TMTC2: variants seen among roughly 807,000 people sequenced by gnomAD.
TMTC2 encodes protein O-mannosyl-transferase TMTC2.
Under a neutral mutation model 82.4 loss-of-function variants are expected in TMTC2, and 43 were observed. The ratio of observed to expected loss-of-function variants is 0.52; its 90% confidence interval spans 0.41 to 0.67. The LOEUF (loss-of-function observed/expected upper bound fraction) is 0.67. Among genes scored for constraint, TMTC2 ranks in the 30% least tolerant of loss-of-function variants. The pLI is 0.00. For synonymous variants in TMTC2, 408 were observed against 381.9 expected, an observed-to-expected ratio of 1.07 and a Z score of -0.80; for missense variants, 919 against 1,012.4, an observed-to-expected ratio of 0.91 and a Z score of 1.25.
chr12:83,004,438 A>T (rs1443067164), intron 8 of TMTC2, among the ~76,000 whole-genome samples: 1 of 152,184 alleles, frequency 6.6e-6, no homozygotes, highest in African/African-American at 2.4e-5. Context: ...GATCATTTGG[A>T]GGTAAGGAGA....
At chr12:82,938,587 T>C (rs1350749246) in intron 4 of TMTC2, among the ~76,000 whole-genome samples, 1 of 152,098 alleles carries the variant, frequency 6.6e-6, no homozygotes, top group Admixed American at 6.5e-5. Context: ...GACTGAGAGA[T>C]TTTGTTATAA....
At chr12:82,991,571 C>A (rs905780505) in intron 8 of TMTC2, among the ~76,000 whole-genome samples, 5 of 152,102 alleles carry the variant, frequency 3.3e-5, no homozygotes, top group African/African-American at 1.2e-4. Context: ...TTGTAGCCTC[C>A]ATGTTTAAAT....
rs111236067 is a variant in TMTC2 at position 82,985,909 on chromosome 12, T to C, written c.1949-16T>C. The stretch of plus-strand genomic sequence containing the variant: ...TGTATCCTCCCTTTGACCTTCATGA[T>C]TAATTCTCTTTCCAGGTGAAGCATA... On this transcript the variant is annotated splice_polypyrimidine_tract_variant and intron_variant, in intron 7 of 11. Transcript: ENST00000321196. 1.2e-6 allele frequency: 2 copies of C among 1,611,162 alleles called. No individual in the cohort carries two copies. Among genetic ancestry groups the C allele is most frequent in the African/African-American group, 2.7e-5 (2 of 74,954 alleles).
At chr12:83,078,274 G>A (rs536866314) in intron 11 of TMTC2, among the ~76,000 whole-genome samples, 1 of 152,204 alleles carries the variant, frequency 6.6e-6, no homozygotes, top group Admixed American at 6.5e-5. Context: ...CTTAGAGGAG[G>A]CTGTCTAAAG....
At chr12:83,099,732 T>C (rs1011040252) in intron 11 of TMTC2, among the ~76,000 whole-genome samples, 4 of 152,134 alleles carry the variant, frequency 2.6e-5, no homozygotes. Context: ...CCCTTTTTTT[T>C]TTAACGTTGC....
chr12:82,818,677 A>G (rs534457911), intron 1 of TMTC2, among the ~76,000 whole-genome samples: 1 of 152,254 alleles, frequency 6.6e-6, no homozygotes, highest in Non-Finnish European at 1.5e-5. Flanking sequence ...TGCTTAATGA[A>G]TACTCAACTA....
chr12:83,042,595 A>G (rs1881936004), intron 9 of TMTC2, among the ~76,000 whole-genome samples: 1 of 151,940 alleles, frequency 6.6e-6, no homozygotes, highest in Admixed American at 6.6e-5. Flanking sequence ...TCTCTCCCTT[A>G]TAGCTTCTCG....
At chr12:83,028,433 T>A (rs1212399182) in intron 8 of TMTC2, among the ~76,000 whole-genome samples, 1 of 152,208 alleles carries the variant, frequency 6.6e-6, no homozygotes, top group African/African-American at 2.4e-5. Context: ...ATACACAGTT[T>A]CCCCTATTAT....
intron 1 of TMTC2, among the ~76,000 whole-genome samples, chr12:82,700,307 A>C (rs1046795574): frequency 6.6e-6 from 1 of 152,242 alleles, no homozygotes; most frequent in Non-Finnish European, 1.5e-5. Context: ...TGTCTAGGAT[A>C]CTTACTAAAT....
intron 1 of TMTC2, among the ~76,000 whole-genome samples, chr12:82,731,419 T>C (rs1343104284): frequency 2.6e-5 from 4 of 152,194 alleles, no homozygotes; most frequent in Non-Finnish European, 5.9e-5. Flanking sequence ...AGTACAGTAA[T>C]ATGTTCAGTA....
rs957533556 is a variant in TMTC2 at position 82,698,283 on chromosome 12, A to C, written c.83+10614A>C. Among the ~76,000 whole-genome samples, 4 of 152,194 alleles carry C rather than the reference A, an allele frequency of 2.6e-5. No individual in the cohort carries two copies. In the South Asian group the frequency reaches 8.3e-4, roughly 32 times the overall value. The stretch of plus-strand genomic sequence containing the variant: ...AACGAATGCTGGACCAAGATAAAAG[A>C]TTACAGTTTTAGTCTTGGAATACCA... On this transcript the variant is annotated intron_variant, in intron 1 of 11. Transcript: ENST00000321196.
chr12:82,947,460 A>C (rs1158827371), intron 4 of TMTC2, among the ~76,000 whole-genome samples: 1 of 149,144 alleles, frequency 6.7e-6, no homozygotes, highest in Admixed American at 6.8e-5. Flanking sequence ...CTCCTGCCTC[A>C]GCCTCCCGAG....
In TMTC2 at chr12:82,783,290, C is replaced by CTGTGTG. The variant is rs72110651; in HGVS notation, c.84-73694_84-73689dup. ...TGTTTTAACAAGAAGGTATATGCCT[C>CTGTGTG]TGTGTGTGTGTGTGTGTGTGTGTGT... is the stretch of plus-strand genomic sequence containing the variant. On this transcript the variant is annotated intron_variant, in intron 1 of 11. Transcript: ENST00000321196. Among the ~76,000 whole-genome samples, 994 of 119,352 alleles carry CTGTGTG rather than the reference C, an allele frequency of 8.3e-3. 18 individuals are homozygous for CTGTGTG. The highest frequency in any genetic ancestry group is 0.022 in the African/African-American group (684 of 31,254). 78.3% of individuals were successfully genotyped at this position (119,352 alleles called of 152,430 possible).
chr12:83,057,391 G>A (rs1882585208), intron 10 of TMTC2, among the ~76,000 whole-genome samples: 1 of 151,810 alleles, frequency 6.6e-6, no homozygotes, highest in Non-Finnish European at 1.5e-5. Context: ...GCCATTTTCA[G>A]TGTCTTGACA....
chr12:82,921,795 C>T (rs547444127), intron 3 of TMTC2, among the ~76,000 whole-genome samples: 1 of 152,184 alleles, frequency 6.6e-6, no homozygotes, highest in East Asian at 1.9e-4. Context: ...TAGACATACT[C>T]TGTTAAAATG....
chr12:82,764,181 A>G (rs1024893296), intron 1 of TMTC2, among the ~76,000 whole-genome samples: 4 of 152,166 alleles, frequency 2.6e-5, no homozygotes, highest in Non-Finnish European at 5.9e-5. Flanking sequence ...TGTGTCACTC[A>G]GGCTGGAGTG....
At chr12:82,766,099 C>G (rs1876946298) in intron 1 of TMTC2, among the ~76,000 whole-genome samples, 1 of 152,126 alleles carries the variant, frequency 6.6e-6, no homozygotes. Context: ...GCTTTGGATC[C>G]TAAAGGCTTG....
chr12:83,090,402 A>T (rs1362254022), intron 11 of TMTC2, among the ~76,000 whole-genome samples: 1 of 152,134 alleles, frequency 6.6e-6, no homozygotes, highest in Non-Finnish European at 1.5e-5. Flanking sequence ...TTTAATATTG[A>T]AGGTTCTGTT....
Position 82,790,865 on chromosome 12 carries a change from ATTC to A in TMTC2, c.84-66139_84-66137del, listed in dbSNP as rs796674789. ...AAAGAAAGAAAAAGAAAAAGAAAAAATTCTTCTTTTGCTTACCTCCCTGCCTCT... is the reference window on the plus strand; with the variant it reads ...AAAGAAAGAAAAAGAAAAAGAAAAAATTCTTTTGCTTACCTCCCTGCCTCT... On this transcript the variant is annotated intron_variant, in intron 1 of 11. Transcript: ENST00000321196. Among the ~76,000 whole-genome samples, 33 of 151,850 alleles carry A rather than the reference ATTC, an allele frequency of 2.2e-4. 1 individual carries two copies. Among genetic ancestry groups the A allele is most frequent in the African/African-American group, 7.0e-4 (29 of 41,474 alleles).
Sources: gnomAD v4.1 joint callset for allele counts (sites outside exome capture counted in the v4.1 genomes callset) on GRCh38, gnomAD v4.1.1 for gene constraint, MANE v1.5 for transcripts, NCBI Gene and HGNC (gene_info 2026-07-23, HGNC 2026-07-21) for gene names.